DLG2: variants seen among roughly 807,000 people sequenced by gnomAD.
The protein encoded by DLG2 is discs large MAGUK scaffold protein 2, also known as disks large homolog 2.
Under a neutral mutation model 132.5 loss-of-function variants are expected in DLG2, and 45 were observed. The observed-to-expected ratio is 0.34, with a 90% CI of 0.27 to 0.44. The LOEUF is 0.44. Ranked by LOEUF, DLG2 falls within the 20% of genes least tolerant of loss-of-function variation. The pLI is 1.00. For synonymous variants in DLG2, 424 were observed against 419.6 expected (o/e 1.01, Z -0.13); for missense variants, 1,045 against 1,196.9 (o/e 0.87, Z 1.87).
intron 7 of DLG2, among the ~76,000 whole-genome samples, chr11:84,335,951 C>T (rs529752438): frequency 6.6e-6 from 1 of 152,024 alleles, no homozygotes; most frequent in Non-Finnish European, 1.5e-5. Flanking sequence ...TCACCTCAAC[C>T]CCTGAAAAGA....
At chr11:84,284,521 G>C (rs1262765750) in intron 7 of DLG2, among the ~76,000 whole-genome samples, 1 of 152,198 alleles carries the variant, frequency 6.6e-6, no homozygotes, top group East Asian at 1.9e-4. Flanking sequence ...AGTACTATAA[G>C]GGAAAGAAAA....
At chr11:83,475,121 A>G (rs373294114) in intron 22 of DLG2, among the ~76,000 whole-genome samples, 2 of 152,168 alleles carry the variant, frequency 1.3e-5, no homozygotes, top group Admixed American at 6.6e-5. Context: ...CCTTGTGGCA[A>G]TCAGGTACTG....
intron 3 of DLG2, among the ~76,000 whole-genome samples, chr11:85,587,315 T>C (rs2079034098): frequency 6.6e-6 from 1 of 152,172 alleles, no homozygotes; most frequent in South Asian, 2.1e-4. Context: ...CCCCCACTAT[T>C]ATTGTGTTGC....
intron 6 of DLG2, among the ~76,000 whole-genome samples, chr11:85,056,780 C>T (rs985079662): frequency 6.6e-6 from 1 of 151,960 alleles, no homozygotes; most frequent in Non-Finnish European, 1.5e-5. Context: ...AAAGATAACA[C>T]TGGCAGCAAT....
intron 7 of DLG2, among the ~76,000 whole-genome samples, chr11:84,386,691 T>G (rs1299943380): frequency 6.6e-6 from 1 of 152,152 alleles, no homozygotes; most frequent in African/African-American, 2.4e-5. Flanking sequence ...ATGCATTTTT[T>G]TCTTTGCAAA....
At chr11:84,403,714 A>G (rs1010631296) in intron 7 of DLG2, among the ~76,000 whole-genome samples, 2 of 152,126 alleles carry the variant, frequency 1.3e-5, no homozygotes, top group Admixed American at 6.5e-5. Flanking sequence ...TCTTCAATCT[A>G]TTTCTCACTC....
chr11:83,812,008 G>T (rs2047428475), intron 17 of DLG2, among the ~76,000 whole-genome samples: 2 of 152,222 alleles, frequency 1.3e-5, no homozygotes, highest in South Asian at 4.1e-4. Flanking sequence ...GAATATGTAT[G>T]CTGGGGTTCA....
At position 84,240,919 on chromosome 11, in the gene DLG2, A is replaced by G. The variant is rs75594076; in HGVS notation, c.573+10319T>C. Among the ~76,000 whole-genome samples the G allele has an allele frequency of 8.6e-3, 1,310 of 152,316 alleles. 9 individuals carry two copies. The highest frequency in any genetic ancestry group is 0.015 in the Non-Finnish European group (1,020 of 68,024). On this transcript the variant is annotated intron_variant, in intron 8 of 27. Transcript: ENST00000376104. Reference sequence around the variant, plus strand: ...ATGCTACCAGCAATGCCTACATGTTAAAGTCCAAAGCCGATACCAAGCAAA... The same window carrying G: ...ATGCTACCAGCAATGCCTACATGTTGAAGTCCAAAGCCGATACCAAGCAAA...
intron 7 of DLG2, among the ~76,000 whole-genome samples, chr11:84,367,958 C>T (rs558894259): frequency 6.6e-6 from 1 of 152,262 alleles, no homozygotes; most frequent in East Asian, 1.9e-4. Context: ...TAGATGCACA[C>T]ATCTCTTTAT....
At chr11:85,037,827 T>TATGTAAATATACATATAA (rs2061542346) in intron 6 of DLG2, among the ~76,000 whole-genome samples, 1 of 152,176 alleles carries the variant, frequency 6.6e-6, no homozygotes, top group Admixed American at 6.5e-5. Context: ...TACCTTATTT[T>TATGTAAATATACATATAA]TTATTACAGA....
At chr11:84,631,016 TCTCACACACACACACA>T (rs1256770176) in intron 6 of DLG2, among the ~76,000 whole-genome samples, 12 of 122,492 alleles carry the variant, frequency 9.8e-5, no homozygotes, top group African/African-American at 4.0e-4. Flanking sequence ...TCTCTCTCTC[TCTCACACACACACACA>T]CACACACACA....
intron 3 of DLG2, among the ~76,000 whole-genome samples, chr11:85,305,991 C>T (rs1002176335): frequency 6.6e-6 from 1 of 152,190 alleles, no homozygotes; most frequent in Admixed American, 6.5e-5. Context: ...CAGAATCCAA[C>T]TTGGGTTTGA....
chr11:85,084,193 A>G (rs2067605203), intron 6 of DLG2, among the ~76,000 whole-genome samples: 1 of 152,134 alleles, frequency 6.6e-6, no homozygotes, highest in Admixed American at 6.5e-5. Flanking sequence ...AAGAAGAAAA[A>G]TTGATTATGG....
intron 18 of DLG2, among the ~76,000 whole-genome samples, chr11:83,709,017 G>C (rs180855356): frequency 1.3e-4 from 20 of 151,960 alleles, no homozygotes; most frequent in Non-Finnish European, 2.8e-4. Flanking sequence ...GATTTATTAG[G>C]GGAACAAGCA....
At chr11:84,040,170 T>G (rs1233440719) in intron 11 of DLG2, among the ~76,000 whole-genome samples, 3 of 150,608 alleles carry the variant, frequency 2.0e-5, no homozygotes, top group Non-Finnish European at 4.5e-5. Context: ...TTTTGTAGGT[T>G]GCCTGTTCAC....
Position 83,485,529 on chromosome 11 carries a change from C to T in DLG2, c.2194-1301G>A, listed in dbSNP as rs1037390694. On this transcript the variant is annotated intron_variant, in intron 21 of 27. Coordinates refer to ENST00000376104, the MANE Select transcript of DLG2 (RefSeq NM_001142699.3). ...CTCCCCAAGGATCAAGATTTGTTAC[C>T]ACACGGCTATTGAAATGAAGGTGCC... Among the ~76,000 whole-genome samples the T allele has an allele frequency of 2.0e-5, 3 of 152,204 alleles. No homozygotes were observed. The South Asian group carries it at 6.2e-4, about 32-fold the overall frequency.
intron 6 of DLG2, among the ~76,000 whole-genome samples, chr11:84,682,520 C>T (rs1439684607): frequency 6.6e-6 from 1 of 152,160 alleles, no homozygotes; most frequent in Non-Finnish European, 1.5e-5. Flanking sequence ...TGGTGCTCCT[C>T]CACGGCTTTC....
At chr11:84,492,647 T>C (rs1370737318) in intron 7 of DLG2, among the ~76,000 whole-genome samples, 1 of 152,126 alleles carries the variant, frequency 6.6e-6, no homozygotes, top group African/African-American at 2.4e-5. Flanking sequence ...GTAAAATGCG[T>C]AGTGCAACAC....
chr11:83,620,974 T>G (rs2061550901), intron 19 of DLG2, among the ~76,000 whole-genome samples: 1 of 151,810 alleles, frequency 6.6e-6, no homozygotes, highest in Non-Finnish European at 1.5e-5. Flanking sequence ...ATCATGATGC[T>G]TACTTTAATT....
Sources: gnomAD v4.1 joint callset for allele counts (sites outside exome capture counted in the v4.1 genomes callset) on GRCh38, gnomAD v4.1.1 for gene constraint, MANE v1.5 for transcripts, NCBI Gene and HGNC (gene_info 2026-07-23, HGNC 2026-07-21) for gene names.